Variants in NYAP2 observed in about 807,000 individuals in gnomAD.
NYAP2 encodes the protein neuronal tyrosine-phosphorylated phosphoinositide-3-kinase adaptor 2.
A neutral mutation model predicts 50.4 loss-of-function variants in NYAP2; 23 were observed. That is an observed-to-expected ratio of 0.46 (90% confidence interval 0.33 to 0.65). NYAP2 has a LOEUF of 0.65. Ranked by LOEUF, NYAP2 falls within the 30% of genes least tolerant of loss-of-function variation. The pLI is 0.02. For missense variants in NYAP2, 885 were observed against 861.0 expected (o/e 1.03, Z -0.35); for synonymous variants, 394 against 365.2 (o/e 1.08, Z -0.90).
At chr2:225,663,300 C>G in the NYAP2 span, among the ~76,000 whole-genome samples, 81 of 152,140 alleles carry the variant, frequency 5.3e-4, no homozygotes, top group Non-Finnish European at 1.0e-3. Context: ...TTTCCCAGCT[C>G]CAGCCTCTAA....
At chr2:225,574,642 T>C (rs560731273) in intron 4 of NYAP2, among the ~76,000 whole-genome samples, 2 of 152,188 alleles carry the variant, frequency 1.3e-5, no homozygotes, top group South Asian at 2.1e-4. Flanking sequence ...AGTATTCTTA[T>C]AATTTTTGTG....
chr2:225,587,197 G>C (rs1692403913), intron 5 of NYAP2, among the ~76,000 whole-genome samples: 1 of 152,100 alleles, frequency 6.6e-6, no homozygotes, highest in African/African-American at 2.4e-5. Context: ...TTTGGTGGGG[G>C]ACACAGAGCC....
intron 3 of NYAP2, among the ~76,000 whole-genome samples, chr2:225,473,078 A>G (rs1277826232): frequency 1.3e-5 from 2 of 152,142 alleles, no homozygotes; most frequent in South Asian, 2.1e-4. Flanking sequence ...TTGTCCTTGC[A>G]ATAGTTTGCT....
intron 3 of NYAP2, among the ~76,000 whole-genome samples, chr2:225,490,985 G>T (rs1690393822): frequency 6.6e-6 from 1 of 152,130 alleles, no homozygotes; most frequent in Admixed American, 6.6e-5. Flanking sequence ...ATTTCCTGAA[G>T]GTGTTCGTGT....
intron 4 of NYAP2, among the ~76,000 whole-genome samples, chr2:225,524,113 A>G (rs1233577440): frequency 6.6e-6 from 1 of 152,214 alleles, no homozygotes; most frequent in Non-Finnish European, 1.5e-5. Context: ...CATGATCACA[A>G]GGTGAAGTCC....
chr2:225,469,509 C>G (rs1689978457), intron 3 of NYAP2, among the ~76,000 whole-genome samples: 2 of 152,060 alleles, frequency 1.3e-5, no homozygotes, highest in Admixed American at 6.6e-5. Flanking sequence ...GGGTATATAC[C>G]CAAAGGATTA....
chr2:225,597,894 A>T (rs1349376643), intron 5 of NYAP2, among the ~76,000 whole-genome samples: 1 of 152,162 alleles, frequency 6.6e-6, no homozygotes, highest in Admixed American at 6.6e-5. Context: ...TTAGTAAAAG[A>T]TAAAGTAAGG....
chr2:225,638,075 AT>A (rs1693453507), intron 6 of NYAP2, among the ~76,000 whole-genome samples: 1 of 151,882 alleles, frequency 6.6e-6, no homozygotes, highest in African/African-American at 2.4e-5. Context: ...ATTAGAGAGA[AT>A]TTTAAATAGA....
rs1013395048 is a variant in NYAP2, at chr2:225,456,084, C to T, written c.221+46983C>T. ...ATACAAAAATCAGCCACTTTAATTA[C>T]TTTATTGCTGCAGTTCTCAGATGAA... On this transcript the variant is annotated intron_variant, in intron 3 of 6. Transcript: ENST00000636099. Among the ~76,000 whole-genome samples, 3 of 152,176 alleles carry T rather than the reference C, an allele frequency of 2.0e-5. No homozygotes were observed. In the East Asian group the frequency reaches 5.8e-4, roughly 29 times the overall value.
intron 3 of NYAP2, among the ~76,000 whole-genome samples, chr2:225,500,575 C>A (rs1690587595): frequency 6.6e-6 from 1 of 152,074 alleles, no homozygotes; most frequent in African/African-American, 2.4e-5. Flanking sequence ...TCTATAAAGT[C>A]TTTTAGATCT....
intron 4 of NYAP2, among the ~76,000 whole-genome samples, chr2:225,567,396 T>C (rs995790462): frequency 3.9e-5 from 6 of 152,290 alleles, no homozygotes; most frequent in South Asian, 4.1e-4. Context: ...TATACACTTA[T>C]AGTTTATTAT....
chr2:225,504,490 T>A (rs1451224371), intron 3 of NYAP2, among the ~76,000 whole-genome samples: 1 of 152,188 alleles, frequency 6.6e-6, no homozygotes, highest in African/African-American at 2.4e-5. Flanking sequence ...GCCACCTTGA[T>A]AGGCTATTTT....
chr2:225,690,476 A>G, the NYAP2 span, among the ~76,000 whole-genome samples: 1 of 152,248 alleles, frequency 6.6e-6, no homozygotes, highest in East Asian at 1.9e-4. Flanking sequence ...TATAGTTGAA[A>G]TAAATTCACT....
chr2:225,516,494 A>G (rs77983736), intron 4 of NYAP2, among the ~76,000 whole-genome samples: 3,382 of 152,256 alleles, frequency 0.022, 60 homozygotes, highest in Non-Finnish European at 0.028. Context: ...CAGAAATGGT[A>G]GACTCCCATA....
chr2:225,424,466 AT>A (rs555188436), intron 3 of NYAP2, among the ~76,000 whole-genome samples: 2 of 151,846 alleles, frequency 1.3e-5, no homozygotes, highest in East Asian at 1.9e-4. Context: ...GAAATTTTAA[AT>A]TTTTTTTAAT....
intron 2 of NYAP2, among the ~76,000 whole-genome samples, chr2:225,407,065 G>C (rs1694953877): frequency 6.6e-6 from 1 of 152,016 alleles, no homozygotes; most frequent in African/African-American, 2.4e-5. Flanking sequence ...GACTTGGCTT[G>C]CTTAACTTGG....
At chr2:225,446,954 A>G (rs976125312) in intron 3 of NYAP2, among the ~76,000 whole-genome samples, 2 of 152,120 alleles carry the variant, frequency 1.3e-5, no homozygotes, top group Non-Finnish European at 2.9e-5. Context: ...AAGACAAAGC[A>G]GACAGTGTCT....
chr2:225,404,429 G>A (rs543794333), intron 2 of NYAP2, among the ~76,000 whole-genome samples: 2 of 152,014 alleles, frequency 1.3e-5, no homozygotes, highest in South Asian at 4.1e-4. Flanking sequence ...TATTTCAGTG[G>A]AAACAATTGT....
chr2:225,543,411 A>T (rs1691510826), intron 4 of NYAP2, among the ~76,000 whole-genome samples: 2 of 151,740 alleles, frequency 1.3e-5, no homozygotes, highest in African/African-American at 4.8e-5. Flanking sequence ...CTTCTGTTTT[A>T]TGACTGTTTT....
Sources: allele counts gnomAD v4.1 joint callset (sites outside exome capture counted in the v4.1 genomes callset), GRCh38; gene constraint gnomAD v4.1.1; transcripts MANE v1.5; gene names NCBI Gene and HGNC (gene_info 2026-07-23, HGNC 2026-07-21).